The following SUGCT variants were observed in gnomAD, a reference collection of about 807,000 sequenced individuals.
The protein encoded by SUGCT is succinyl-CoA:glutarate-CoA transferase, also known as succinyl-CoA:glutarate CoA-transferase.
In SUGCT, 41 loss-of-function variants were observed where a neutral mutation model predicts 55.0. The observed-to-expected ratio is 0.74, with a 90% CI of 0.58 to 0.97. SUGCT has a LOEUF of 0.97. SUGCT is among the 50% of genes least tolerant of loss of function. The probability of loss-of-function intolerance (pLI) is 0.00; values close to 1 mark genes in which losing one functional copy is unlikely to be tolerated. For missense variants in SUGCT, 568 were observed against 547.8 expected (o/e 1.04, Z -0.37); for synonymous variants, 187 against 200.4 (o/e 0.93, Z 0.56).
chr7:40,647,786 G>A (rs1800594983), intron 12 of SUGCT, among the ~76,000 whole-genome samples: 1 of 151,532 alleles, frequency 6.6e-6, no homozygotes, highest in Non-Finnish European at 1.5e-5. Flanking sequence ...AGGAAGTGGA[G>A]ATTGCAGTGA....
intron 13 of SUGCT, among the ~76,000 whole-genome samples, chr7:40,808,710 T>C (rs777740472): frequency 1.6e-4 from 25 of 152,206 alleles, no homozygotes; most frequent in Non-Finnish European, 3.1e-4. Context: ...AAAATATCTC[T>C]TGTGTGTGTC....
chr7:40,268,659 T>C (rs1791780243), intron 7 of SUGCT, among the ~76,000 whole-genome samples: 1 of 152,042 alleles, frequency 6.6e-6, no homozygotes, highest in African/African-American at 2.4e-5. Context: ...TTTAATTTTT[T>C]TTTTTTCCGA....
At chr7:40,440,145 G>GTTTTTTTTTTTTTTTTTTTT (rs138984553) in intron 9 of SUGCT, among the ~76,000 whole-genome samples, 2 of 68,438 alleles carry the variant, frequency 2.9e-5, no homozygotes, top group African/African-American at 6.7e-5. Flanking sequence ...GTGTGTGTGT[G>GTTTTTTTTTTTTTTTTTTTT]TTTTTTTTTT....
intron 12 of SUGCT, among the ~76,000 whole-genome samples, chr7:40,589,058 T>G (rs532574770): frequency 6.6e-6 from 1 of 152,224 alleles, no homozygotes; most frequent in South Asian, 2.1e-4. Context: ...AAATAAAATT[T>G]TTTCTAAACT....
At chr7:40,355,227 A>T (rs1362254434) in intron 9 of SUGCT, among the ~76,000 whole-genome samples, 1 of 152,240 alleles carries the variant, frequency 6.6e-6, no homozygotes, top group Non-Finnish European at 1.5e-5. Context: ...TGTGAGCCCC[A>T]GTGGGTTAGG....
At chr7:40,201,249 AAG>A (rs1379467012) in intron 6 of SUGCT, among the ~76,000 whole-genome samples, 8 of 152,324 alleles carry the variant, frequency 5.3e-5, no homozygotes, top group Admixed American at 3.3e-4. Context: ...AGAATAAAAT[AAG>A]AGAGGCAGAG....
chr7:40,608,909 C>T (rs1396908157), intron 12 of SUGCT, among the ~76,000 whole-genome samples: 2 of 152,170 alleles, frequency 1.3e-5, no homozygotes, highest in African/African-American at 2.4e-5. Context: ...ATTGGTAGAA[C>T]AGCTCCGAGT....
intron 7 of SUGCT, among the ~76,000 whole-genome samples, chr7:40,250,928 C>T (rs1790338846): frequency 6.6e-6 from 1 of 150,940 alleles, no homozygotes; most frequent in Admixed American, 6.6e-5. Flanking sequence ...CCTCTGCCTC[C>T]CGGGTTCAAG....
At position 40,570,850 on chromosome 7, in the gene SUGCT, C is replaced by CTTTTTTTTTTTTTTTTTTTTTTT. The variant is rs776733346; in HGVS notation, c.1089+74469_1089+74491dup. Among the ~76,000 whole-genome samples, 6 of 52,304 alleles carry CTTTTTTTTTTTTTTTTTTTTTTT rather than the reference C, an allele frequency of 1.1e-4. 1 individual carries two copies. Among genetic ancestry groups the CTTTTTTTTTTTTTTTTTTTTTTT allele is most frequent in the African/African-American group, 5.2e-4 (6 of 11,528 alleles). The allele number at this position is 52,304 out of a possible 152,430, so 34.3% of individuals were successfully genotyped here. A position where few individuals can be genotyped will look rare whatever the true frequency, so the allele number is the denominator to read the frequency against. On this transcript the variant is annotated intron_variant, in intron 12 of 13. Transcript: ENST00000335693. Reference sequence around the variant, plus strand: ...CCCCTCTGGGCAAAAGCTTTAGGCTCTTTTTTTTTTTTTTTTTTTTTTTTT... The same window carrying CTTTTTTTTTTTTTTTTTTTTTTT: ...CCCCTCTGGGCAAAAGCTTTAGGCTCTTTTTTTTTTTTTTTTTTTTTTTTTTTTTTTTTTTTTTTTTTTTTTTT...
intron 12 of SUGCT, among the ~76,000 whole-genome samples, chr7:40,747,452 C>T (rs191949739): frequency 3.9e-5 from 6 of 152,278 alleles, no homozygotes; most frequent in East Asian, 3.9e-4. Context: ...TTATTACTTT[C>T]TTTATTCCAT....
chr7:40,418,373 A>G (rs1787125161), intron 9 of SUGCT, among the ~76,000 whole-genome samples: 2 of 152,122 alleles, frequency 1.3e-5, no homozygotes, highest in Admixed American at 1.3e-4. Context: ...GCAGCTACTC[A>G]GTGGAATTTT....
At chr7:40,663,687 A>G (rs1801455191) in intron 12 of SUGCT, among the ~76,000 whole-genome samples, 2 of 151,984 alleles carry the variant, frequency 1.3e-5, no homozygotes, top group African/African-American at 2.4e-5. Context: ...GATCCTCTCA[A>G]TTGTATTTAT....
At chr7:40,684,279 G>A in intron 12 of SUGCT, 4 of 1,207,016 alleles carry the variant, frequency 3.3e-6, no homozygotes, top group Non-Finnish European at 4.3e-6. Context: ...TTAGGACATA[G>A]CATCTTTGGG....
intron 9 of SUGCT, among the ~76,000 whole-genome samples, chr7:40,400,385 G>A (rs1205720922): frequency 6.6e-6 from 1 of 152,196 alleles, no homozygotes; most frequent in African/African-American, 2.4e-5. Context: ...TACAGTCCTG[G>A]CTGAAGGCAA....
chr7:40,596,155 T>C (rs977541834), intron 12 of SUGCT, among the ~76,000 whole-genome samples: 2 of 152,202 alleles, frequency 1.3e-5, no homozygotes, highest in African/African-American at 2.4e-5. Context: ...ATTGTTATTG[T>C]TAATAATAAA....
chr7:41,030,980 A>G, the SUGCT span, among the ~76,000 whole-genome samples: 3 of 152,088 alleles, frequency 2.0e-5, no homozygotes, highest in African/African-American at 7.2e-5. Flanking sequence ...GTTTATTTTG[A>G]GATAAGAGTC....
Position 40,250,828 on chromosome 7 carries a change from CTTTT to C in SUGCT, c.576+13125_576+13128del, listed in dbSNP as rs67372014. Among the ~76,000 whole-genome samples, 243 of 121,234 alleles carry C rather than the reference CTTTT, an allele frequency of 2.0e-3. 9 individuals carry two copies. The highest frequency in any genetic ancestry group is 6.8e-3 in the African/African-American group (187 of 27,422). The allele number at this position is 121,234 out of a possible 152,430, so 79.5% of individuals were successfully genotyped here. On this transcript the variant is annotated intron_variant, in intron 7 of 13. Coordinates refer to ENST00000335693, the MANE Select transcript of SUGCT (RefSeq NM_001193313.2). ...AAGATGTTGAAGTCATTTCACGCTTCTTTTTTTTTTTTTTTTTTTTTTTTTTAAG... is the reference window on the plus strand; with the variant it reads ...AAGATGTTGAAGTCATTTCACGCTTCTTTTTTTTTTTTTTTTTTTTTTAAG...
intron 13 of SUGCT, among the ~76,000 whole-genome samples, chr7:40,788,305 A>T (rs1790136078): frequency 6.6e-6 from 1 of 152,190 alleles, no homozygotes. Flanking sequence ...AGAGTCTCAT[A>T]ACACTCAAAA....
At chr7:40,694,634 T>C (rs1337651002) in intron 12 of SUGCT, among the ~76,000 whole-genome samples, 1 of 152,236 alleles carries the variant, frequency 6.6e-6, no homozygotes, top group Non-Finnish European at 1.5e-5. Context: ...TAGTGAACAA[T>C]TTCTACATTG....
Sources: allele counts gnomAD v4.1 joint callset (sites outside exome capture counted in the v4.1 genomes callset), GRCh38; gene constraint gnomAD v4.1.1; transcripts MANE v1.5; gene names NCBI Gene and HGNC (gene_info 2026-07-23, HGNC 2026-07-21).